DNER: variants seen among roughly 807,000 people sequenced by gnomAD.
The protein encoded by DNER is delta/notch like EGF repeat containing.
A neutral mutation model predicts 78.2 loss-of-function variants in DNER; 33 were observed. The observed-to-expected ratio is 0.42, with a 90% CI of 0.32 to 0.56. The LOEUF is 0.56. Ranked by LOEUF, DNER falls within the 20% of genes least tolerant of loss-of-function variation. DNER has a pLI of 0.11. For synonymous variants in DNER, 417 were observed against 384.8 expected (o/e 1.08, Z -0.98); for missense variants, 918 against 975.3 (o/e 0.94, Z 0.78).
chr2:229,686,113 G>A (rs1699478562), intron 1 of DNER, among the ~76,000 whole-genome samples: 1 of 152,082 alleles, frequency 6.6e-6, no homozygotes, highest in South Asian at 2.1e-4. Flanking sequence ...GAGGGAGCTG[G>A]ATTTGTGTTC....
intron 1 of DNER, among the ~76,000 whole-genome samples, chr2:229,632,639 G>A (rs1331380321): frequency 2.0e-5 from 3 of 152,182 alleles, no homozygotes; most frequent in Non-Finnish European, 4.4e-5. Flanking sequence ...AGAACATAAA[G>A]AAAGTTCTGA....
At chr2:229,587,654 A>T (rs150428761) in intron 3 of DNER, among the ~76,000 whole-genome samples, 1 of 152,210 alleles carries the variant, frequency 6.6e-6, no homozygotes, top group Non-Finnish European at 1.5e-5. Flanking sequence ...CTTAGGTTGC[A>T]TGGAAAGTGT....
intron 9 of DNER, among the ~76,000 whole-genome samples, chr2:229,411,612 C>T (rs1693522580): frequency 6.6e-6 from 1 of 152,088 alleles, no homozygotes; most frequent in Admixed American, 6.5e-5. Context: ...CCAGTGATCT[C>T]ATTTCTGAGA....
intron 1 of DNER, among the ~76,000 whole-genome samples, chr2:229,678,217 A>T (rs1473921155): frequency 6.6e-6 from 1 of 152,152 alleles, no homozygotes; most frequent in Non-Finnish European, 1.5e-5. Flanking sequence ...CTAATTTACT[A>T]AAAAACCCTG....
At chr2:229,702,529 C>T (rs1258940770) in intron 1 of DNER, among the ~76,000 whole-genome samples, 2 of 151,962 alleles carry the variant, frequency 1.3e-5, no homozygotes, top group Non-Finnish European at 2.9e-5. Context: ...GAGTAAGACC[C>T]TGTCACCGAA....
At chr2:229,586,806 C>T (rs1198855164) in intron 3 of DNER, 3 of 985,858 alleles carry the variant, frequency 3.0e-6, no homozygotes, top group Non-Finnish European at 3.6e-6. Flanking sequence ...CCCATTCTCC[C>T]CAGTGCTCCT....
chr2:229,554,446 C>G (rs1252630355), intron 4 of DNER, among the ~76,000 whole-genome samples: 4 of 152,168 alleles, frequency 2.6e-5, no homozygotes, highest in African/African-American at 9.7e-5. Context: ...AATCCTAGCA[C>G]TTTGGGAGTC....
At chr2:229,454,738 AT>A (rs1305811801) in intron 7 of DNER, among the ~76,000 whole-genome samples, 1 of 151,754 alleles carries the variant, frequency 6.6e-6, no homozygotes. Flanking sequence ...TATTCTTAAA[AT>A]TTTGCTTTTT....
chr2:229,477,799 G>A (rs1695068041), intron 6 of DNER, among the ~76,000 whole-genome samples: 1 of 152,178 alleles, frequency 6.6e-6, no homozygotes, highest in African/African-American at 2.4e-5. Context: ...CAAACAGAAT[G>A]CTAAGCACAT....
chr2:229,516,209 C>T (rs1574880238), intron 5 of DNER, among the ~76,000 whole-genome samples: 1 of 152,162 alleles, frequency 6.6e-6, no homozygotes, highest in South Asian at 2.1e-4. Flanking sequence ...AGATTACTCC[C>T]TGTCTATTTT....
intron 1 of DNER, among the ~76,000 whole-genome samples, chr2:229,700,284 A>ATGTGTGTGTGCATGTGTG (rs746705367): frequency 8.4e-3 from 309 of 36,570 alleles, no homozygotes; most frequent in African/African-American, 0.02. Context: ...ATGTCAATAT[A>ATGTGTGTGTGCATGTGTG]TGTGTGTGTG....
chr2:229,697,383 T>A (rs1699678452), intron 1 of DNER, among the ~76,000 whole-genome samples: 1 of 152,252 alleles, frequency 6.6e-6, no homozygotes, highest in Admixed American at 6.5e-5. Context: ...ATGGATACAG[T>A]GTTTCCTTTT....
chr2:229,713,373 G>T (rs753341594), intron 1 of DNER, among the ~76,000 whole-genome samples: 1 of 152,154 alleles, frequency 6.6e-6, no homozygotes, highest in Non-Finnish European at 1.5e-5. Flanking sequence ...ACATCCCATC[G>T]TCCCATCCCT....
intron 11 of DNER, among the ~76,000 whole-genome samples, chr2:229,369,306 T>C (rs1316714402): frequency 6.7e-6 from 1 of 148,974 alleles, no homozygotes; most frequent in East Asian, 1.9e-4. Context: ...TCTAAAAAGT[T>C]AAAAAAAAGT....
At chr2:229,408,421 C>T (rs1238668486) in intron 9 of DNER, among the ~76,000 whole-genome samples, 1 of 152,092 alleles carries the variant, frequency 6.6e-6, no homozygotes, top group Non-Finnish European at 1.5e-5. Flanking sequence ...CCTCCTGCCC[C>T]TCCTCCCTCT....
intron 1 of DNER, among the ~76,000 whole-genome samples, chr2:229,700,758 CAAA>C (rs769382080): frequency 7.3e-6 from 1 of 137,840 alleles, no homozygotes. Flanking sequence ...ACTAAAAATA[CAAA>C]AAAAAAAAAA....
chr2:229,643,467 C>G (rs1574940708), intron 1 of DNER, among the ~76,000 whole-genome samples: 1 of 152,210 alleles, frequency 6.6e-6, no homozygotes, highest in South Asian at 2.1e-4. Context: ...CCTGCCCAGT[C>G]TTGAACTGGG....
chr2:229,368,834 A>G (rs1358451986), intron 11 of DNER, among the ~76,000 whole-genome samples: 1 of 152,246 alleles, frequency 6.6e-6, no homozygotes, highest in African/African-American at 2.4e-5. Context: ...GCACAGCAAC[A>G]TACTAACAAC....
chr2:229,568,795 C>G (rs1697159168), intron 4 of DNER, among the ~76,000 whole-genome samples: 1 of 152,144 alleles, frequency 6.6e-6, no homozygotes, highest in Non-Finnish European at 1.5e-5. Context: ...CTCCTACGCT[C>G]AGGCAATCCT....
Sources: allele counts gnomAD v4.1 joint callset (sites outside exome capture counted in the v4.1 genomes callset), GRCh38; gene constraint gnomAD v4.1.1; transcripts MANE v1.5; gene names NCBI Gene and HGNC (gene_info 2026-07-23, HGNC 2026-07-21).